SLC24A3: variants seen among roughly 807,000 people sequenced by gnomAD.
SLC24A3 encodes the protein sodium/potassium/calcium exchanger 3.
Under a neutral mutation model 75.8 loss-of-function variants are expected in SLC24A3, and 28 were observed. The observed-to-expected ratio is 0.37, with a 90% confidence interval of 0.27 to 0.51. SLC24A3 has a LOEUF of 0.51. Ranked by LOEUF, SLC24A3 falls within the 20% of genes least tolerant of loss-of-function variation. SLC24A3 has a pLI of 0.94. For synonymous variants in SLC24A3, 372 were observed against 334.1 expected, an observed-to-expected ratio of 1.11 and a Z score of -1.24; for missense variants, 663 against 847.8, an observed-to-expected ratio of 0.78 and a Z score of 2.71.
chr20:19,480,827 G>A (rs944371021), intron 2 of SLC24A3, among the ~76,000 whole-genome samples: 8 of 152,178 alleles, frequency 5.3e-5, no homozygotes, highest in African/African-American at 1.9e-4. Context: ...CTGGGACACT[G>A]ATCCTTACTG....
At chr20:19,488,581 T>G (rs753465342) in intron 2 of SLC24A3, among the ~76,000 whole-genome samples, 2 of 152,134 alleles carry the variant, frequency 1.3e-5, no homozygotes, top group Non-Finnish European at 2.9e-5. Flanking sequence ...CACCAGGAAA[T>G]GCTTCAGTTG....
chr20:19,659,230 G>A (rs570292379), intron 7 of SLC24A3, among the ~76,000 whole-genome samples: 1 of 152,316 alleles, frequency 6.6e-6, no homozygotes, highest in South Asian at 2.1e-4. Flanking sequence ...GGTCTTCAGG[G>A]CAACCTGAAC....
rs571225238 is a variant in SLC24A3 at position 19,419,822 on chromosome 20, GTT to G, written c.272-95649_272-95648del. On this transcript the variant is annotated intron_variant, in intron 2 of 16. Transcript: ENST00000328041. The stretch of plus-strand genomic sequence containing the variant: ...GTCTCGCCATGTCCTCGACAGCCAA[GTT>G]TTTTTTTTTTTTTTTTATTATACTC... 4.7e-3 allele frequency among the ~76,000 whole-genome samples: 645 copies of G among 136,632 alleles called. 4 individuals carry two copies. Among genetic ancestry groups the G allele is most frequent in the African/African-American group, 0.015 (540 of 37,042 alleles). The allele number at this position is 136,632 out of a possible 152,430, so 89.6% of individuals were successfully genotyped here. A position where few individuals can be genotyped will look rare whatever the true frequency, so the allele number is the denominator to read the frequency against.
intron 2 of SLC24A3, among the ~76,000 whole-genome samples, chr20:19,285,552 A>G (rs1295122702): frequency 2.3e-5 from 3 of 130,060 alleles, no homozygotes; most frequent in African/African-American, 8.5e-5. Flanking sequence ...GAAATTTGTG[A>G]TTTTTTTTTT....
Position 19,276,375 on chromosome 20 carries a change from T to C in SLC24A3, c.143-4584T>C, listed in dbSNP as rs566140420. ...TGTTCCCAATTCAGTCACATGTCCCTTAACAGTGGGGATATGTTCTGAGAA... is the reference window on the plus strand; with the variant it reads ...TGTTCCCAATTCAGTCACATGTCCCCTAACAGTGGGGATATGTTCTGAGAA... On this transcript the variant is annotated intron_variant, in intron 1 of 16. Coordinates refer to ENST00000328041, the MANE Select transcript of SLC24A3 (RefSeq NM_020689.4). Among the ~76,000 whole-genome samples the C allele has an allele frequency of 5.3e-5, 8 of 152,342 alleles. No homozygotes were observed. The South Asian group carries it at 1.7e-3, about 32-fold the overall frequency.
intron 1 of SLC24A3, among the ~76,000 whole-genome samples, chr20:19,229,699 GTTGGTTTTGGTTGTTTCCC>G (rs1226832966): frequency 9.2e-5 from 14 of 151,970 alleles, no homozygotes; most frequent in Admixed American, 9.2e-4. Flanking sequence ...GTGGCTTCTT[GTTGGTTTTGGTTGTTTCCC>G]TTGGAACATG....
At chr20:19,658,813 G>C (rs1219214606) in intron 7 of SLC24A3, among the ~76,000 whole-genome samples, 2 of 152,120 alleles carry the variant, frequency 1.3e-5, no homozygotes, top group African/African-American at 4.8e-5. Flanking sequence ...CCAACAGCCA[G>C]GTGCAAATTA....
intron 2 of SLC24A3, among the ~76,000 whole-genome samples, chr20:19,492,785 A>T (rs1380153904): frequency 6.6e-6 from 1 of 152,172 alleles, no homozygotes; most frequent in Non-Finnish European, 1.5e-5. Flanking sequence ...TATTAAAATG[A>T]TCATTATATA....
At chr20:19,265,442 C>G (rs1167304347) in intron 1 of SLC24A3, among the ~76,000 whole-genome samples, 3 of 152,210 alleles carry the variant, frequency 2.0e-5, no homozygotes, top group East Asian at 3.9e-4. Flanking sequence ...ACGATGGACA[C>G]AGGATGAAGC....
At chr20:19,510,380 T>A (rs1988518873) in intron 2 of SLC24A3, among the ~76,000 whole-genome samples, 1 of 152,216 alleles carries the variant, frequency 6.6e-6, no homozygotes, top group Non-Finnish European at 1.5e-5. Flanking sequence ...CTCCACCCCA[T>A]GCCCCACTGC....
intron 6 of SLC24A3, among the ~76,000 whole-genome samples, chr20:19,640,067 C>T (rs1382341210): frequency 6.6e-6 from 1 of 152,242 alleles, no homozygotes; most frequent in African/African-American, 2.4e-5. Flanking sequence ...TTGATCAGCC[C>T]AGAAAGGGGC....
chr20:19,230,062 A>AT (rs11087276), intron 1 of SLC24A3, among the ~76,000 whole-genome samples: 5,089 of 147,022 alleles, frequency 0.035, 285 homozygotes, highest in African/African-American at 0.12. Context: ...CCCATAATAG[A>AT]TTTTTTTTTT....
chr20:19,604,763 G>A (rs2031574064), intron 6 of SLC24A3, among the ~76,000 whole-genome samples: 1 of 152,140 alleles, frequency 6.6e-6, no homozygotes, highest in Non-Finnish European at 1.5e-5. Context: ...CAGGCTCTGA[G>A]GAATTTCCTC....
intron 6 of SLC24A3, among the ~76,000 whole-genome samples, chr20:19,620,775 T>A (rs145580030): frequency 7.2e-4 from 109 of 152,284 alleles, no homozygotes; most frequent in African/African-American, 2.6e-3. Context: ...TCTGTGGGGC[T>A]GGATGAGGCA....
chr20:19,696,705 C>A, intron 13 of SLC24A3, 92 bp from the exon 14 acceptor site: 2 of 828,722 alleles, frequency 2.4e-6, no homozygotes, highest in Non-Finnish European at 4.1e-6. Flanking sequence ...ATAGCCCAGA[C>A]CATAGCCTGT....
chr20:19,331,737 C>T (rs528479352), intron 2 of SLC24A3, among the ~76,000 whole-genome samples: 2 of 152,188 alleles, frequency 1.3e-5, no homozygotes, highest in Non-Finnish European at 2.9e-5. Flanking sequence ...GCCACACAGA[C>T]AAGCTCCTGA....
chr20:19,557,478 A>G (rs2030806925), intron 3 of SLC24A3, among the ~76,000 whole-genome samples: 3 of 152,196 alleles, frequency 2.0e-5, no homozygotes. Context: ...CCCTATGTCC[A>G]TCTATTGACA....
chr20:19,435,486 G>A (rs186342571), intron 2 of SLC24A3, among the ~76,000 whole-genome samples: 1 of 152,338 alleles, frequency 6.6e-6, no homozygotes, highest in East Asian at 1.9e-4. Context: ...AGATTCATCT[G>A]CCCACTAAAA....
At chr20:19,382,692 A>G (rs6035315) in intron 2 of SLC24A3, among the ~76,000 whole-genome samples, 67,285 of 151,942 alleles carry the variant, frequency 0.44, 15,221 homozygotes, top group Middle Eastern at 0.58. Context: ...CAAATGTGAG[A>G]GAAGAGAACA....
Sources: allele counts gnomAD v4.1 joint callset (sites outside exome capture counted in the v4.1 genomes callset), GRCh38; gene constraint gnomAD v4.1.1; transcripts MANE v1.5; gene names NCBI Gene and HGNC (gene_info 2026-07-23, HGNC 2026-07-21).